PBLD: variants seen among roughly 807,000 people sequenced by gnomAD.
PBLD encodes phenazine biosynthesis-like domain-containing protein.
PBLD carries 26 observed loss-of-function variants against 31.3 expected under a neutral mutation model. The observed-to-expected ratio is 0.83, with a 90% confidence interval of 0.61 to 1.15. PBLD has a LOEUF of 1.15. Ranked by LOEUF, PBLD falls within the 50% of genes most tolerant of loss-of-function variation. The pLI is 0.00. For synonymous variants in PBLD, 114 were observed against 129.0 expected (o/e 0.88, Z 0.79); for missense variants, 307 against 351.7 (o/e 0.87, Z 1.02).
intron 6 of PBLD, 136 bp from the exon 7 acceptor site, chr10:68,289,155 T>C (rs2044325422): frequency 3.1e-6 from 2 of 650,902 alleles, no homozygotes; most frequent in Non-Finnish European, 5.4e-6. Flanking sequence ...CCAAGAGTGT[T>C]AGTGCAGTTT....
chr10:68,303,779 A>G (rs4517412), intron 2 of PBLD, among the ~76,000 whole-genome samples: 119,078 of 151,300 alleles, frequency 0.79, 47,480 homozygotes, highest in Non-Finnish European at 0.86. Context: ...TCCTGTGGTT[A>G]CTCTCATCCT....
At chr10:68,321,375 A>G (rs1026127958) in intron 1 of PBLD, among the ~76,000 whole-genome samples, 8 of 152,198 alleles carry the variant, frequency 5.3e-5, no homozygotes, top group Non-Finnish European at 1.2e-4. Context: ...ACAGACGCCT[A>G]CAGAACACTC....
At chr10:68,315,120 C>T (rs1465768855) in intron 1 of PBLD, among the ~76,000 whole-genome samples, 1 of 152,154 alleles carries the variant, frequency 6.6e-6, no homozygotes, top group Non-Finnish European at 1.5e-5. Flanking sequence ...TGAGTCAAAG[C>T]TCACCCAACA....
intron 1 of PBLD, among the ~76,000 whole-genome samples, chr10:68,309,711 G>A (rs551153246): frequency 1.3e-5 from 2 of 149,000 alleles, no homozygotes; most frequent in East Asian, 2.1e-4. Flanking sequence ...GGGAGGCTGA[G>A]GCAGGAGAAT....
Position 68,292,256 on chromosome 10 carries a change from C to A in PBLD, c.284-18G>T, listed in dbSNP as rs777695186. Reference sequence around the variant, plus strand: ...CATGTTTTCTGGCCAAAATAGGAATCAAGAAATAGGAAATAAACTTTGTCA... The same window carrying A: ...CATGTTTTCTGGCCAAAATAGGAATAAAGAAATAGGAAATAAACTTTGTCA... On this transcript the variant is annotated intron_variant, in intron 4 of 9. Coordinates refer to ENST00000358769, the MANE Select transcript of PBLD (RefSeq NM_022129.4). 1 of 1,590,888 alleles carries A rather than the reference C, an allele frequency of 6.3e-7. No homozygotes were observed. Among genetic ancestry groups the A allele is most frequent in the Non-Finnish European group, 8.6e-7 (1 of 1,161,392 alleles).
intron 2 of PBLD, among the ~76,000 whole-genome samples, chr10:68,298,035 G>A (rs1337798055): frequency 3.9e-5 from 6 of 151,922 alleles, no homozygotes; most frequent in Admixed American, 1.3e-4. Context: ...GGAGGCCAAG[G>A]CAGGAAGATT....
chr10:68,329,008 G>A (rs1172067600), intron 1 of PBLD, among the ~76,000 whole-genome samples: 1 of 152,098 alleles, frequency 6.6e-6, no homozygotes, highest in African/African-American at 2.4e-5. Flanking sequence ...CCTCCCAAGT[G>A]ACTGAGATTA....
chr10:68,331,908 C>G (rs969952614), intron 1 of PBLD: 1 of 152,352 alleles, frequency 6.6e-6, no homozygotes, highest in Non-Finnish European at 1.5e-5. Flanking sequence ...TACCTCGCCC[C>G]CAACAGCTGC....
intron 3 of PBLD, 149 bp downstream of exon 3, chr10:68,296,737 C>T: frequency 1.5e-6 from 1 of 673,906 alleles, no homozygotes; most frequent in Non-Finnish European, 2.6e-6. Flanking sequence ...GGTGTGGTGG[C>T]TCACACCTAT....
At chr10:68,322,416 T>C (rs761960645) in intron 1 of PBLD, among the ~76,000 whole-genome samples, 14 of 151,696 alleles carry the variant, frequency 9.2e-5, no homozygotes, top group South Asian at 2.1e-4. Flanking sequence ...ATCCTAGCAC[T>C]TTGGGAGGCC....
At chr10:68,331,686 G>A (rs1193890014) in intron 1 of PBLD, 2 of 152,310 alleles carry the variant, frequency 1.3e-5, no homozygotes, top group African/African-American at 4.8e-5. Context: ...GCCAGGGCGG[G>A]GCCCTCACAG....
At chr10:68,323,291 G>A (rs941294344) in intron 1 of PBLD, among the ~76,000 whole-genome samples, 2 of 151,908 alleles carry the variant, frequency 1.3e-5, no homozygotes, top group African/African-American at 4.8e-5. Flanking sequence ...GCTGGGCATG[G>A]TGGCTCACGC....
In PBLD at chr10:68,283,282, T is replaced by A. The variant is rs2044250381; in HGVS notation, c.*895A>T. 1 of 152,196 alleles carries A rather than the reference T, an allele frequency of 6.6e-6. No homozygotes were observed. The highest frequency in any genetic ancestry group is 2.4e-5 in the African/African-American group (1 of 41,448). 9.4% of individuals were successfully genotyped at this position (152,196 alleles called of 1,614,324 possible). A position where few individuals can be genotyped will look rare whatever the true frequency, so the allele number is the denominator to read the frequency against. On this transcript the variant is annotated 3_prime_UTR_variant, in exon 10 of 10. Transcript: ENST00000358769. ...TTTCTGGATTCATCCTGATTTTTAG[T>A]CTTCGTACCTGAGTACAACAATAAA...
chr10:68,327,673 C>CAAAAAA (rs35759039), intron 1 of PBLD, among the ~76,000 whole-genome samples: 3 of 68,828 alleles, frequency 4.4e-5, no homozygotes, highest in African/African-American at 6.0e-5. Context: ...GACTCCACCT[C>CAAAAAA]AAAAAAAAAA....
At chr10:68,329,215 T>TA (rs2044973356) in intron 1 of PBLD, among the ~76,000 whole-genome samples, 1 of 152,150 alleles carries the variant, frequency 6.6e-6, no homozygotes. Context: ...CTTCCTACTG[T>TA]AATAATAAAA....
At chr10:68,327,505 C>T (rs1277926703) in intron 1 of PBLD, among the ~76,000 whole-genome samples, 1 of 151,648 alleles carries the variant, frequency 6.6e-6, no homozygotes, top group Non-Finnish European at 1.5e-5. Context: ...TGGTGAAACC[C>T]CGTCTCTACT....
At chr10:68,322,668 A>T (rs1053880902) in intron 1 of PBLD, among the ~76,000 whole-genome samples, 1 of 151,936 alleles carries the variant, frequency 6.6e-6, no homozygotes, top group Non-Finnish European at 1.5e-5. Flanking sequence ...TGTCTCAAAA[A>T]AAAAAAAAAA....
In PBLD at chr10:68,284,253, A is replaced by T. The variant is rs995887453; in HGVS notation, c.791T>A (p.Ile264Asn). 1.1e-5 allele frequency: 18 copies of T among 1,614,122 alleles called. No individual in the cohort carries two copies. Among genetic ancestry groups the T allele is most frequent in the Non-Finnish European group, 1.4e-5 (17 of 1,179,990 alleles). Residue 264 changes from isoleucine (I) to asparagine (N), a missense_variant, in exon 10 of 10, where the codon ATT becomes AAT. Physicochemically the swap from Ile to Asn is moderately radical, Grantham distance 149 (BLOSUM62 -3). Coordinates refer to ENST00000358769, the MANE Select transcript of PBLD (RefSeq NM_022129.4). ...AACCCTTCCGTCTGGACGAAGGGAA[A>T]TTCCCAGCTCTCCTCCTCGGTGGGA... Reference protein sequence around the residue: ...QCSHRGGELGISLRPDGRVDI... With the variant: ...QCSHRGGELGNSLRPDGRVDI...
At chr10:68,324,324 G>A (rs1476928200) in intron 1 of PBLD, among the ~76,000 whole-genome samples, 14 of 151,876 alleles carry the variant, frequency 9.2e-5, no homozygotes, top group Admixed American at 3.3e-4. Flanking sequence ...CTACAGGTGC[G>A]CGCCACCATG....
Sources: allele counts gnomAD v4.1 joint callset (sites outside exome capture counted in the v4.1 genomes callset), GRCh38; gene constraint gnomAD v4.1.1; transcripts MANE v1.5; gene names NCBI Gene and HGNC (gene_info 2026-07-23, HGNC 2026-07-21).